Variants in USP53 observed in about 807,000 individuals in gnomAD.
USP53 encodes the protein ubiquitin carboxyl-terminal hydrolase 53.
A neutral mutation model predicts 94.9 loss-of-function variants in USP53; 71 were observed. That is an observed-to-expected ratio of 0.75 (90% CI 0.62 to 0.91). USP53 has a LOEUF of 0.91. Ranked by LOEUF, USP53 falls within the 40% of genes least tolerant of loss-of-function variation. The probability of loss-of-function intolerance (pLI) is 0.00; values close to 1 mark genes in which losing one functional copy is unlikely to be tolerated. For missense variants in USP53, 1,173 were observed against 1,281.0 expected (o/e 0.92, Z 1.29); for synonymous variants, 375 against 422.7 (o/e 0.89, Z 1.39).
At chr4:119,233,153 A>G (rs1015152222) in intron 3 of USP53, among the ~76,000 whole-genome samples, 7 of 149,892 alleles carry the variant, frequency 4.7e-5, no homozygotes, top group Admixed American at 6.7e-5. Context: ...CAATTTCGTT[A>G]GTGTTTATGT....
At chr4:119,267,587 T>C (rs1751308336) in intron 13 of USP53, 105 bp downstream of exon 13, 1 of 1,266,712 alleles carries the variant, frequency 7.9e-7, no homozygotes. Context: ...ATTTCAAATT[T>C]GACTTTCAGT....
chr4:119,215,614 A>AT lies in USP53; in HGVS notation c.-789+1401dup, dbSNP rs577852648. ...AATTGGTTTTCTTTGTGATCTTAGT[A>AT]TTTTTTTTTCTTTTTCTTTTTTTTA... On this transcript the variant is annotated intron_variant, in intron 2 of 18. Coordinates refer to ENST00000692078, the MANE Select transcript of USP53 (RefSeq NM_001371395.1). Among the ~76,000 whole-genome samples, 366 of 150,540 alleles carry AT rather than the reference A, an allele frequency of 2.4e-3. 1 individual carries two copies. The highest frequency in any genetic ancestry group is 7.7e-3 in the African/African-American group (314 of 40,994).
intron 3 of USP53, among the ~76,000 whole-genome samples, chr4:119,222,802 G>T (rs984035892): frequency 6.6e-6 from 1 of 151,452 alleles, no homozygotes; most frequent in Admixed American, 6.6e-5. Flanking sequence ...CTTTCTTTTG[G>T]GTATATACCA....
At chr4:119,247,634 C>A (rs114927695) in intron 6 of USP53, among the ~76,000 whole-genome samples, 2,185 of 152,150 alleles carry the variant, frequency 0.014, 42 homozygotes, top group African/African-American at 0.05. Context: ...TCCATGTGGG[C>A]AGGGTTGTCA....
intron 7 of USP53, among the ~76,000 whole-genome samples, chr4:119,252,096 G>A (rs1366914868): frequency 6.6e-6 from 1 of 152,156 alleles, no homozygotes; most frequent in African/African-American, 2.4e-5. Flanking sequence ...CTTGATCATG[G>A]CGGATAAGCT....
chr4:119,224,582 G>A (rs879455923), intron 3 of USP53, among the ~76,000 whole-genome samples: 2 of 152,188 alleles, frequency 1.3e-5, no homozygotes, highest in African/African-American at 2.4e-5. Context: ...TGATCAGGGA[G>A]GCTGAAGTGA....
Position 119,256,169 on chromosome 4 carries a change from C to T in USP53, c.373-77C>T, listed in dbSNP as rs957354488. 34 of 974,044 alleles carry T rather than the reference C, an allele frequency of 3.5e-5. No individual in the cohort carries two copies. In the African/African-American group the frequency reaches 5.1e-4, roughly 15 times the overall value. The allele number at this position is 974,044 out of a possible 1,614,324, so 60.3% of individuals were successfully genotyped here. On this transcript the variant is annotated intron_variant, in intron 7 of 18. Coordinates refer to ENST00000692078, the MANE Select transcript of USP53 (RefSeq NM_001371395.1). ...CTCTTAAATTTATACTTTGGATAAT[C>T]TGCAGGTAAAGAGTTATATTTTGCT...
intron 2 of USP53, among the ~76,000 whole-genome samples, chr4:119,214,945 A>G (rs1578394416): frequency 6.6e-6 from 1 of 152,346 alleles, no homozygotes; most frequent in East Asian, 1.9e-4. Context: ...TGATCTTTAT[A>G]AAGTGATGGA....
At chr4:119,283,287 T>C (rs1053681034) in intron 17 of USP53, among the ~76,000 whole-genome samples, 2 of 152,014 alleles carry the variant, frequency 1.3e-5, no homozygotes, top group African/African-American at 4.8e-5. Context: ...GCATCACATA[T>C]TTGAAGAACA....
intron 5 of USP53, among the ~76,000 whole-genome samples, chr4:119,243,225 C>G (rs1341905419): frequency 6.6e-6 from 1 of 152,104 alleles, no homozygotes; most frequent in East Asian, 1.9e-4. Context: ...GGACCAGGAA[C>G]AGTGGCTTAC....
At position 119,292,753 on chromosome 4, in the gene USP53, C is replaced by T. The variant is rs761631659; in HGVS notation, c.2764C>T (p.Pro922Ser). 27 of 1,613,910 alleles carry T rather than the reference C, an allele frequency of 1.7e-5. No individual in the cohort carries two copies. The highest frequency in any genetic ancestry group is 2.2e-5 in the Non-Finnish European group (26 of 1,179,974). ...MPKLFCQNLP[P>S]PLPPKKYAIT... ...AAAACTTTTTTGCCAGAATCTACCA[C>T]CCCCTTTGCCACCAAAGAAATATGC... is the stretch of plus-strand genomic sequence containing the variant. Residue 922 changes from proline to serine, a missense_variant, in exon 19 of 19, where the codon CCC (proline) becomes TCC (serine). By Grantham distance (74) the Pro-to-Ser change is moderately conservative (BLOSUM62 -1). Transcript: ENST00000692078.
At chr4:119,272,924 T>G (rs906790297) in intron 16 of USP53, 2 of 152,246 alleles carry the variant, frequency 1.3e-5, no homozygotes, top group Non-Finnish European at 2.9e-5. Flanking sequence ...TTGTTTGATA[T>G]TAGCTGATAT....
At chr4:119,275,390 CA>C (rs1223697258) in intron 17 of USP53, among the ~76,000 whole-genome samples, 1 of 126,226 alleles carries the variant, frequency 7.9e-6, no homozygotes, top group Non-Finnish European at 1.8e-5. Context: ...TCAGGTTTGT[CA>C]AAGATCAGAT....
At chr4:119,250,554 A>G (rs777211230) in intron 7 of USP53, among the ~76,000 whole-genome samples, 9 of 152,246 alleles carry the variant, frequency 5.9e-5, no homozygotes, top group Admixed American at 1.3e-4. Context: ...TAAAACAAAT[A>G]TATTTTGAAC....
At chr4:119,213,641 G>GAGATATATAT (rs1553961987) in intron 1 of USP53, among the ~76,000 whole-genome samples, 5 of 108,112 alleles carry the variant, frequency 4.6e-5, no homozygotes, top group African/African-American at 8.4e-5. Context: ...TCTGGAAATA[G>GAGATATATAT]ATATATATAT....
At chr4:119,231,614 A>G (rs989092336) in intron 3 of USP53, among the ~76,000 whole-genome samples, 3 of 152,152 alleles carry the variant, frequency 2.0e-5, no homozygotes, top group African/African-American at 7.2e-5. Context: ...TTGATTCTCT[A>G]GCAGGACTCA....
At chr4:119,227,192 A>T (rs904984553) in intron 3 of USP53, among the ~76,000 whole-genome samples, 1 of 150,758 alleles carries the variant, frequency 6.6e-6, no homozygotes, top group African/African-American at 2.4e-5. Context: ...TACTCATTTT[A>T]AAAAATGGTG....
intron 17 of USP53, among the ~76,000 whole-genome samples, chr4:119,289,609 G>A (rs10000726): frequency 0.76 from 115,199 of 152,072 alleles, 43,651 homozygotes; most frequent in Non-Finnish European, 0.78. Flanking sequence ...ACAGTTTTCT[G>A]CTTCTCATTT....
chr4:119,264,514 A>T (rs532058345), intron 12 of USP53, among the ~76,000 whole-genome samples: 1 of 152,232 alleles, frequency 6.6e-6, no homozygotes, highest in African/African-American at 2.4e-5. Flanking sequence ...CTTAAAATCC[A>T]ATTAAAAAAT....
Sources: allele counts gnomAD v4.1 joint callset (sites outside exome capture counted in the v4.1 genomes callset), GRCh38; gene constraint gnomAD v4.1.1; transcripts MANE v1.5; gene names NCBI Gene and HGNC (gene_info 2026-07-23, HGNC 2026-07-21).